The following SHC2 variants were observed in gnomAD, a reference collection of about 807,000 sequenced individuals.
SHC2 encodes the protein SHC-transforming protein 2.
In SHC2, 62 loss-of-function variants were observed where a neutral mutation model predicts 60.6. The observed-to-expected ratio is 1.02, with a 90% CI of 0.83 to 1.26. The LOEUF is 1.26. Ranked by LOEUF, SHC2 falls within the 50% of genes most tolerant of loss-of-function variation. The probability of loss-of-function intolerance (pLI) is 0.00; values close to 1 mark genes in which losing one functional copy is unlikely to be tolerated. For synonymous variants in SHC2, 375 were observed against 372.4 expected (o/e 1.01, Z -0.08); for missense variants, 873 against 822.2 (o/e 1.06, Z -0.76).
rs1975019789 is a variant in SHC2 at position 445,046 on chromosome 19, C to T, written c.469-4114G>A. The stretch of plus-strand genomic sequence containing the variant: ...ACGGGAAGAGGCGGGGACCTCAGCT[C>T]ACTGCATGTCCCACGCTCCACGGCG... On this transcript the variant is annotated intron_variant, in intron 1 of 12. Coordinates refer to ENST00000264554, the MANE Select transcript of SHC2 (RefSeq NM_012435.3). The surrounding 1 kb of genome is among the most constrained non-coding windows in gnomAD (Gnocchi z 4.4). 6.6e-6 allele frequency among the ~76,000 whole-genome samples: 1 copy of T among 152,262 alleles called. No individual in the cohort carries two copies. The highest frequency in any genetic ancestry group is 1.5e-5 in the Non-Finnish European group (1 of 68,046).
chr19:451,106 T>TGCTGTGTTG (rs1975178763), intron 1 of SHC2, among the ~76,000 whole-genome samples: 1 of 121,020 alleles, frequency 8.3e-6, no homozygotes, highest in African/African-American at 3.2e-5. Flanking sequence ...TGGATGGCCA[T>TGCTGTGTTG]ACCATAGCCA....
At chr19:443,906 A>ATGGG (rs554000359) in intron 1 of SHC2, among the ~76,000 whole-genome samples, 1,910 of 128,684 alleles carry the variant, frequency 0.015, 39 homozygotes, top group East Asian at 0.084. Flanking sequence ...GGATGGATGG[A>ATGGG]TGGGTGGGTG....
At position 422,402 on chromosome 19, in the gene SHC2, G is replaced by A. The variant is rs781754399; in HGVS notation, c.1364C>T (p.Thr455Ile). The A allele has an allele frequency of 1.9e-6, 3 of 1,594,654 alleles. No individual in the cohort carries two copies. Among genetic ancestry groups the A allele is most frequent in the Non-Finnish European group, 2.6e-6 (3 of 1,171,178 alleles). ...GTCCTCCAAGGGAAGAGGGGCTGCT[G>A]TCACGCCTGCCGCCACTGAGCACTC... The part of the protein sequence containing the change: ...LHECSVAAGV[T>I]AAPLPLEDQW... The change falls in exon 11 of 13, where the codon ACA becomes ATA. Residue 455 changes from threonine to isoleucine, a missense_variant. By Grantham distance (89) the Thr-to-Ile change is moderately conservative (BLOSUM62 -1). Transcript: ENST00000264554. The surrounding 1 kb of genome is among the most constrained non-coding windows in gnomAD (Gnocchi z 5.0).
At chr19:460,257 G>C (rs1280930649) in intron 1 of SHC2, among the ~76,000 whole-genome samples, 1 of 149,450 alleles carries the variant, frequency 6.7e-6, no homozygotes. Flanking sequence ...CGCCCAGTCC[G>C]AGTGGGGGGC....
Position 434,821 on chromosome 19 carries a change from G to A in SHC2, c.998C>T (p.Ser333Phe). The A allele has an allele frequency of 6.2e-7, 1 of 1,612,764 alleles. No individual in the cohort carries two copies. The part of the protein sequence containing the change: ...EESAWGDEED[S>F]LEHNYYNSIP... ...GCTGTTGTAGTAATTGTGCTCCAAA[G>A]AGTCCTCCTCGTCCCCCCAGGCCGA... The change falls in exon 8 of 13, where the codon TCT becomes TTT. Residue 333 changes from serine to phenylalanine, a missense_variant. By Grantham distance (155) the Ser-to-Phe change is radical. Transcript: ENST00000264554.
intron 9 of SHC2, among the ~76,000 whole-genome samples, chr19:429,975 A>G (rs1974532737): frequency 6.7e-6 from 1 of 148,714 alleles, no homozygotes. Context: ...TGGATGACGC[A>G]GTACCTATAC....
intron 1 of SHC2, among the ~76,000 whole-genome samples, chr19:456,345 G>T (rs1202376381): frequency 6.6e-6 from 1 of 152,020 alleles, no homozygotes; most frequent in African/African-American, 2.4e-5. Context: ...GCTCCCTGGG[G>T]GCCAGGGCCC....
rs758172952 is a variant in SHC2 at position 430,751 on chromosome 19, G to A, written c.1111-4C>T. 6.2e-7 allele frequency: 1 copy of A among 1,612,974 alleles called. No individual in the cohort carries two copies. The highest frequency in any genetic ancestry group is 1.1e-5 in the South Asian group (1 of 91,010). On this transcript the variant is annotated splice_region_variant and splice_polypyrimidine_tract_variant and intron_variant, in intron 8 of 12. Coordinates refer to ENST00000264554, the MANE Select transcript of SHC2 (RefSeq NM_012435.3). Reference sequence around the variant, plus strand: ...CTCTTAGAGAAGGAGATGGGCCCTGGAAACAGAGCAGTGAGAGGTTCCCCG... The same window carrying A: ...CTCTTAGAGAAGGAGATGGGCCCTGAAAACAGAGCAGTGAGAGGTTCCCCG...
rs375705853 is a variant in SHC2 at position 434,831 on chromosome 19, C to T, written c.988G>A (p.Glu330Lys). ...TAATTGTGCTCCAAAGAGTCCTCCT[C>T]GTCCCCCCAGGCCGACTCCTCCGGC... ...AGPEESAWGDEEDSLEHNYYN... is the reference protein window; with the variant it reads ...AGPEESAWGDKEDSLEHNYYN... Residue 330 changes from glutamate to lysine, a missense_variant, in exon 8 of 13, where the codon GAG (glutamate) becomes AAG (lysine). Coordinates refer to ENST00000264554, the MANE Select transcript of SHC2 (RefSeq NM_012435.3). 7 of 1,612,340 alleles carry T rather than the reference C, an allele frequency of 4.3e-6. No individual in the cohort carries two copies. Among genetic ancestry groups the T allele is most frequent in the Non-Finnish European group, 5.9e-6 (7 of 1,179,762 alleles).
rs1173407473 is a variant in SHC2, at chr19:434,834, C to A, written c.985G>T (p.Asp329Tyr). Residue 329 changes from aspartate to tyrosine, a missense_variant, in exon 8 of 13, where the codon GAC (aspartate) becomes TAC (tyrosine). Asp to Tyr is a radical substitution (Grantham distance 160, BLOSUM62 -3). Transcript: ENST00000264554. ...TTGTGCTCCAAAGAGTCCTCCTCGT[C>A]CCCCCAGGCCGACTCCTCCGGCCCT... Reference protein sequence around the residue: ...LAGPEESAWGDEEDSLEHNYY... With the variant: ...LAGPEESAWGYEEDSLEHNYY... 1 of 1,611,822 alleles carries A rather than the reference C, an allele frequency of 6.2e-7. No homozygotes were observed. Among genetic ancestry groups the A allele is most frequent in the Non-Finnish European group, 8.5e-7 (1 of 1,179,646 alleles).
chr19:460,475 G>T (rs12980271), intron 1 of SHC2, 54 bp downstream of exon 1: 3 of 886,124 alleles, frequency 3.4e-6, no homozygotes, highest in African/African-American at 1.8e-5. Flanking sequence ...AGGAGAGGGT[G>T]GGGGAGGGGA....
At chr19:447,759 CAAG>C (rs760835710) in intron 1 of SHC2, among the ~76,000 whole-genome samples, 79 of 151,546 alleles carry the variant, frequency 5.2e-4, no homozygotes, top group African/African-American at 1.7e-3. Flanking sequence ...GCCTGGGTGA[CAAG>C]AACAAAACTC....
intron 12 of SHC2, among the ~76,000 whole-genome samples, chr19:417,987 C>T (rs941646899): frequency 3.3e-5 from 5 of 152,124 alleles, no homozygotes; most frequent in Admixed American, 1.3e-4. Flanking sequence ...CCCTCCTCCC[C>T]GGCTGCTCTC....
chr19:439,394 G>C (rs764528603), intron 2 of SHC2: 1 of 308,508 alleles, frequency 3.2e-6, no homozygotes, highest in Non-Finnish European at 6.1e-6. Context: ...AGGAAGGCTC[G>C]GCATCAGATG....
In SHC2 at chr19:424,160, G is replaced by A. The variant is rs1010984651; in HGVS notation, c.1309+937C>T. Among the ~76,000 whole-genome samples, 2 of 152,222 alleles carry A rather than the reference G, an allele frequency of 1.3e-5. No homozygotes were observed. The highest frequency in any genetic ancestry group is 2.4e-5 in the African/African-American group (1 of 41,466). Reference sequence around the variant, plus strand: ...CAACACCTCTCCGTGCTGGAGAAGGGCAGAGTCGAGGCTGCAGGAAATCAG... The same window carrying A: ...CAACACCTCTCCGTGCTGGAGAAGGACAGAGTCGAGGCTGCAGGAAATCAG... On this transcript the variant is annotated intron_variant, in intron 10 of 12. Transcript: ENST00000264554. This position sits in a 1 kb window ranked among gnomAD's most constrained non-coding sequence, Gnocchi z 4.5.
Position 422,659 on chromosome 19 carries a change from C to A in SHC2, c.1310-203G>T. The A allele has an allele frequency of 1.9e-6, 1 of 531,716 alleles. No homozygotes were observed. Among genetic ancestry groups the A allele is most frequent in the Non-Finnish European group, 3.3e-6 (1 of 302,538 alleles). The allele number at this position is 531,716 out of a possible 1,614,324, so 32.9% of individuals were successfully genotyped here. ...GCTCACATGTGTAGCAACCTGGACT[C>A]CCCAGGTTGGGTTTTCTAGGCACGT... On this transcript the variant is annotated intron_variant, in intron 10 of 12. Transcript: ENST00000264554. This position sits in a 1 kb window ranked among gnomAD's most constrained non-coding sequence, Gnocchi z 5.0.
At chr19:420,536 C>T (rs565209031) in intron 11 of SHC2, among the ~76,000 whole-genome samples, 1 of 152,348 alleles carries the variant, frequency 6.6e-6, no homozygotes, top group South Asian at 2.1e-4. Context: ...TTGGAAAATG[C>T]TTTGTAAACC....
intron 1 of SHC2, among the ~76,000 whole-genome samples, chr19:448,304 A>T (rs1428587746): frequency 6.6e-6 from 1 of 152,106 alleles, no homozygotes; most frequent in Non-Finnish European, 1.5e-5. Context: ...CGGGAGTCTG[A>T]GGTCAAGCTG....
At chr19:451,251 A>T (rs1022428119) in intron 1 of SHC2, among the ~76,000 whole-genome samples, 4 of 103,544 alleles carry the variant, frequency 3.9e-5, no homozygotes, top group African/African-American at 1.2e-4. Flanking sequence ...CAGTGTGTGG[A>T]TGGCCACGCC....
Sources: allele counts gnomAD v4.1 joint callset (sites outside exome capture counted in the v4.1 genomes callset), GRCh38; gene constraint gnomAD v4.1.1; non-coding constraint Gnocchi (gnomAD v3.1); transcripts MANE v1.5; gene names NCBI Gene and HGNC (gene_info 2026-07-23, HGNC 2026-07-21).